Variants in DDX60 observed in about 807,000 individuals in gnomAD.
The protein encoded by DDX60 is DExD/H-box helicase 60, also known as probable ATP-dependent RNA helicase DDX60.
In DDX60, 165 loss-of-function variants were observed where a neutral mutation model predicts 212.8. That is an observed-to-expected ratio of 0.78 (90% CI 0.68 to 0.88). DDX60 has a LOEUF of 0.88. DDX60 is among the 40% of genes least tolerant of loss of function. The pLI is 0.00. For synonymous variants in DDX60, 703 were observed against 685.3 expected (o/e 1.03, Z -0.40); for missense variants, 1,905 against 2,003.9 (o/e 0.95, Z 0.94).
intron 22 of DDX60, chr4:168,265,718 T>A (rs114687185): frequency 3.5e-3 from 528 of 152,128 alleles, no homozygotes; most frequent in African/African-American, 0.012. Context: ...TGAACCATCC[T>A]ACACAGAATA....
In DDX60 at chr4:168,285,534, A is replaced by C. The variant is rs778789298; in HGVS notation, c.1340-36T>G. 6 of 1,307,312 alleles carry C rather than the reference A, an allele frequency of 4.6e-6. No individual in the cohort carries two copies. In the Admixed American group the frequency reaches 1.2e-4, roughly 26 times the overall value. The allele number at this position is 1,307,312 out of a possible 1,614,324, so 81.0% of individuals were successfully genotyped here. A position where few individuals can be genotyped will look rare whatever the true frequency, so the allele number is the denominator to read the frequency against. The stretch of plus-strand genomic sequence containing the variant: ...ACAAAAAAAAATTGAGACAAGGTCA[A>C]ATGTAAAGCTTTCAGACAGGAATAT... On this transcript the variant is annotated intron_variant, in intron 10 of 37. Transcript: ENST00000393743.
intron 13 of DDX60, among the ~76,000 whole-genome samples, chr4:168,281,364 T>C (rs777703263): frequency 6.6e-6 from 1 of 152,190 alleles, no homozygotes; most frequent in Non-Finnish European, 1.5e-5. Flanking sequence ...CTTCCTCTGC[T>C]CAGACACCTA....
Position 168,283,152 on chromosome 4 carries a change from A to G in DDX60, c.1722+294T>C, listed in dbSNP as rs1735667279. 2.6e-5 allele frequency among the ~76,000 whole-genome samples: 4 copies of G among 152,162 alleles called. No individual in the cohort carries two copies. In the South Asian group the frequency reaches 8.3e-4, roughly 31 times the overall value. Reference sequence around the variant, plus strand: ...AAAAGATTTTCACTGTCATTAATGAACAACTATATTTTTAACGTTAGTTTA... The same window carrying G: ...AAAAGATTTTCACTGTCATTAATGAGCAACTATATTTTTAACGTTAGTTTA... On this transcript the variant is annotated intron_variant, in intron 13 of 37. Transcript: ENST00000393743.
rs752265317 is a variant in DDX60, at chr4:168,306,443, T to C, written c.542A>G (p.Asp181Gly). The C allele has an allele frequency of 6.2e-7, 1 of 1,614,124 alleles. No homozygotes were observed. Among genetic ancestry groups the C allele is most frequent in the South Asian group, 1.1e-5 (1 of 91,072 alleles). Reference sequence around the variant, plus strand: ...AAGGTATGCATAAAGGCAAAGAACATCAGATTCTTGCCCTGAGGAAAGTAC... The same window carrying C: ...AAGGTATGCATAAAGGCAAAGAACACCAGATTCTTGCCCTGAGGAAAGTAC... ...NVVLSSGQES[D>G]VLCLYAYLLP... is the part of the protein sequence containing the mutation. Residue 181 changes from aspartate to glycine, a missense_variant, in exon 5 of 38, where the codon GAT becomes GGT. Transcript: ENST00000393743.
chr4:168,283,747 G>A lies in DDX60; in HGVS notation c.1562-141C>T, dbSNP rs370427016. On this transcript the variant is annotated intron_variant, in intron 12 of 37. Transcript: ENST00000393743. ...TCATTATCTTTCTTAAAGAGAGAAC[G>A]TAAAATCAAGTTAATAATTCCTTTT... The A allele has an allele frequency of 4.4e-5, 28 of 630,778 alleles. 1 individual carries two copies. The South Asian group carries it at 5.4e-4, about 12-fold the overall frequency. The allele number at this position is 630,778 out of a possible 1,614,324, so 39.1% of individuals were successfully genotyped here.
chr4:168,273,460 C>A, intron 17 of DDX60, 62 bp from the exon 18 acceptor site: 2 of 1,595,684 alleles, frequency 1.3e-6, no homozygotes, highest in Non-Finnish European at 1.7e-6. Context: ...TATCAGAGGA[C>A]AACAAGAACT....
Position 168,308,071 on chromosome 4 carries a change from G to C in DDX60, c.199C>G (p.Leu67Val), listed in dbSNP as rs200944181. ...KPGQNLHFFY[L>V]VERYLVDLIS... ...AGATCCACAAGATAGCGTTCAACCA[G>C]ATAGAAGAAATGGAGGTTCTGCCCA... The change falls in exon 4 of 38, where the codon CTG becomes GTG. Residue 67 changes from leucine (L) to valine (V), a missense_variant. By Grantham distance (32) the Leu-to-Val change is conservative (BLOSUM62 1). Transcript: ENST00000393743. 1.2e-6 allele frequency: 2 copies of C among 1,612,276 alleles called. No homozygotes were observed. The highest frequency in any genetic ancestry group is 1.3e-5 in the African/African-American group (1 of 74,962).
intron 1 of DDX60, among the ~76,000 whole-genome samples, chr4:168,317,612 CG>C (rs1737453733): frequency 6.6e-6 from 1 of 152,076 alleles, no homozygotes; most frequent in Admixed American, 6.6e-5. Context: ...TTCCAGTACC[CG>C]GTATAACCCT....
At chr4:168,281,072 A>G (rs1022190595) in intron 13 of DDX60, among the ~76,000 whole-genome samples, 12 of 152,210 alleles carry the variant, frequency 7.9e-5, no homozygotes, top group African/African-American at 2.9e-4. Flanking sequence ...CCTGGGAGGC[A>G]GAGGTTGCAG....
intron 37 of DDX60, among the ~76,000 whole-genome samples, chr4:168,218,663 C>T (rs906458047): frequency 2.0e-5 from 3 of 152,132 alleles, no homozygotes; most frequent in African/African-American, 7.2e-5. Flanking sequence ...ATCCAAATTC[C>T]ATTTAAAGTC....
chr4:168,275,052 C>G (rs471276), intron 16 of DDX60, among the ~76,000 whole-genome samples: 16,786 of 152,112 alleles, frequency 0.11, 1,166 homozygotes, highest in African/African-American at 0.19. Context: ...TATTGACACA[C>G]GGAAAACCTG....
chr4:168,276,635 C>T (rs1003193912), intron 14 of DDX60, among the ~76,000 whole-genome samples: 1 of 152,182 alleles, frequency 6.6e-6, no homozygotes, highest in African/African-American at 2.4e-5. Flanking sequence ...TTCAATCCAC[C>T]TCTTCCAACT....
Position 168,246,593 on chromosome 4 carries a change from C to T in DDX60, c.3989G>A (p.Gly1330Asp), listed in dbSNP as rs1734031787. 1.2e-6 allele frequency: 2 copies of T among 1,614,038 alleles called. No homozygotes were observed. The highest frequency in any genetic ancestry group is 1.7e-6 in the Non-Finnish European group (2 of 1,179,962). The change falls in exon 30 of 38, where the codon GGT becomes GAT. Residue 1330 changes from glycine (G) to aspartate (D), a missense_variant. Physicochemically the swap from Gly to Asp is moderately conservative, Grantham distance 94. Coordinates refer to ENST00000393743, the MANE Select transcript of DDX60 (RefSeq NM_017631.6). ...RQMSGRAGRR[G>D]QDLMGDVYFF... Reference sequence around the variant, plus strand: ...ATATACATCTCCCATCAGGTCTTGACCTCTTCTTCCAGCACGGCCAGACAT... The same window carrying T: ...ATATACATCTCCCATCAGGTCTTGATCTCTTCTTCCAGCACGGCCAGACAT...
Position 168,237,283 on chromosome 4 carries a change from T to G in DDX60, c.4411+3A>C, listed in dbSNP as rs1283074670. 4.6e-6 allele frequency: 7 copies of G among 1,533,438 alleles called. No individual in the cohort carries two copies. The highest frequency in any genetic ancestry group is 6.1e-6 in the Non-Finnish European group (7 of 1,140,696). The allele number at this position is 1,533,438 out of a possible 1,614,324, so 95.0% of individuals were successfully genotyped here. On this transcript the variant is annotated splice_donor_region_variant and intron_variant, in intron 32 of 37. Coordinates refer to ENST00000393743, the MANE Select transcript of DDX60 (RefSeq NM_017631.6). ...ACATATATATATAAAATCTCAAGCT[T>G]ACCTTTCCTGGTTGGCTGACAGAGA...
chr4:168,285,078 G>C (rs1192234806), intron 11 of DDX60, 143 bp from the exon 12 acceptor site: 3 of 558,654 alleles, frequency 5.4e-6, no homozygotes, highest in Non-Finnish European at 9.4e-6. Flanking sequence ...CCAAACAGCA[G>C]TTTATTAGAG....
At chr4:168,306,267 T>C (rs967229252) in intron 5 of DDX60, 112 bp downstream of exon 5, 14 of 639,934 alleles carry the variant, frequency 2.2e-5, no homozygotes, top group Non-Finnish European at 3.5e-5. Flanking sequence ...TTGTTATACC[T>C]ATCTGTTAAG....
chr4:168,309,255 A>G (rs1157012676), intron 3 of DDX60, among the ~76,000 whole-genome samples: 4 of 152,148 alleles, frequency 2.6e-5, no homozygotes, highest in Non-Finnish European at 5.9e-5. Flanking sequence ...CCTAAATAAA[A>G]CCATGGAACC....
chr4:168,325,398 T>A, the DDX60 span, among the ~76,000 whole-genome samples: 1 of 152,228 alleles, frequency 6.6e-6, no homozygotes, highest in Non-Finnish European at 1.5e-5. Flanking sequence ...GTTCATTCTC[T>A]ATTAATTTTG....
intron 1 of DDX60, among the ~76,000 whole-genome samples, chr4:168,317,194 A>G (rs1737431642): frequency 6.6e-6 from 1 of 152,070 alleles, no homozygotes; most frequent in South Asian, 2.1e-4. Context: ...GGATTAGGAC[A>G]CATACACACA....
Sources: gnomAD v4.1 joint callset for allele counts (sites outside exome capture counted in the v4.1 genomes callset) on GRCh38, gnomAD v4.1.1 for gene constraint, MANE v1.5 for transcripts, NCBI Gene and HGNC (gene_info 2026-07-23, HGNC 2026-07-21) for gene names.